Variants in KDM4B observed in about 807,000 individuals in gnomAD.
KDM4B encodes lysine demethylase 4B, also known as lysine-specific demethylase 4B.
KDM4B carries 32 observed loss-of-function variants against 125.2 expected under a neutral mutation model. The ratio of observed to expected loss-of-function variants is 0.26; its 90% CI spans 0.19 to 0.34. The LOEUF (loss-of-function observed/expected upper bound fraction) is 0.34. Ranked by LOEUF, KDM4B falls within the 10% of genes least tolerant of loss-of-function variation. KDM4B has a pLI of 1.00. For missense variants in KDM4B, 1,190 were observed against 1,577.7 expected (o/e 0.75, Z 4.16); for synonymous variants, 721 against 677.9 (o/e 1.06, Z -0.99).
intron 2 of KDM4B, among the ~76,000 whole-genome samples, chr19:5,021,759 G>C (rs1249788711): frequency 6.7e-6 from 1 of 150,002 alleles, no homozygotes; most frequent in Non-Finnish European, 1.5e-5. Context: ...TCAGCCTCCC[G>C]AGTAGCTGGG....
At chr19:5,125,852 G>T (rs1331614862) in intron 11 of KDM4B, among the ~76,000 whole-genome samples, 1 of 152,050 alleles carries the variant, frequency 6.6e-6, no homozygotes, top group Non-Finnish European at 1.5e-5. Context: ...TCTGGCAGGG[G>T]TGGGCGTTTT....
chr19:5,016,339 A>C lies in KDM4B; in HGVS notation c.-26A>C, dbSNP rs2035891407. The stretch of plus-strand genomic sequence containing the variant: ...CCACCCAGGAACCTCGCCATCCAGA[A>C]GTAAGTAACACGGGCCTGGCCCCCA... On this transcript the variant is annotated splice_region_variant and 5_prime_UTR_variant, in exon 2 of 23. Transcript: ENST00000159111. The C allele has an allele frequency of 1.3e-5, 2 of 152,244 alleles. No homozygotes were observed. The highest frequency in any genetic ancestry group is 4.8e-5 in the African/African-American group (2 of 41,462). The allele number at this position is 152,244 out of a possible 1,614,324, so 9.4% of individuals were successfully genotyped here.
At chr19:5,072,281 C>T (rs2037973497) in intron 7 of KDM4B, among the ~76,000 whole-genome samples, 3 of 152,306 alleles carry the variant, frequency 2.0e-5, no homozygotes, top group South Asian at 4.1e-4. Context: ...CCAGGAGTCA[C>T]GTGGCTGTGC....
intron 6 of KDM4B, among the ~76,000 whole-genome samples, chr19:5,052,978 T>A (rs1427725447): frequency 6.6e-6 from 1 of 152,210 alleles, no homozygotes; most frequent in Non-Finnish European, 1.5e-5. Flanking sequence ...CCCAGCCGCT[T>A]TGCTCTGGCT....
chr19:4,998,910 C>T (rs956062986), intron 1 of KDM4B, among the ~76,000 whole-genome samples: 4 of 152,166 alleles, frequency 2.6e-5, no homozygotes, highest in Non-Finnish European at 2.9e-5. Flanking sequence ...CTTCTTAGTG[C>T]GCCCTATCAG....
At chr19:5,049,419 A>G (rs2037147971) in intron 6 of KDM4B, among the ~76,000 whole-genome samples, 2 of 151,994 alleles carry the variant, frequency 1.3e-5, no homozygotes, top group African/African-American at 2.4e-5. Context: ...TGAGTAGGCA[A>G]CAGTTCTTTC....
At position 5,065,060 on chromosome 19, in the gene KDM4B, C is replaced by T. The variant is rs985206671; in HGVS notation, c.627-5950C>T. Among the ~76,000 whole-genome samples the T allele has an allele frequency of 2.0e-5, 3 of 152,314 alleles. No individual in the cohort carries two copies. The East Asian group carries it at 5.8e-4, about 29-fold the overall frequency. ...TGCTTTGGCCGTGGCAGGCGGGGTC[C>T]CTGGGGGTGCTGGGGCGTCAGCCAG... On this transcript the variant is annotated intron_variant, in intron 6 of 22. Coordinates refer to ENST00000159111, the MANE Select transcript of KDM4B (RefSeq NM_015015.3).
intron 6 of KDM4B, among the ~76,000 whole-genome samples, chr19:5,050,628 C>T (rs770119278): frequency 1.5e-4 from 23 of 152,216 alleles, no homozygotes; most frequent in Non-Finnish European, 2.6e-4. Flanking sequence ...GGGCCAGGCG[C>T]GGTGGTTTGC....
chr19:4,990,895 C>T (rs544578590), intron 1 of KDM4B, among the ~76,000 whole-genome samples: 4 of 151,908 alleles, frequency 2.6e-5, no homozygotes, highest in Admixed American at 1.3e-4. Flanking sequence ...CTGAGGTGGG[C>T]GGACCACCTG....
At chr19:5,077,799 G>A (rs2038166627) in intron 8 of KDM4B, 1 of 298,174 alleles carries the variant, frequency 3.4e-6, no homozygotes, top group Non-Finnish European at 6.3e-6. Context: ...GACCTGGCAG[G>A]AAGCTGCCAA....
At chr19:5,096,086 C>CTT (rs36115996) in intron 9 of KDM4B, among the ~76,000 whole-genome samples, 18 of 136,696 alleles carry the variant, frequency 1.3e-4, no homozygotes, top group Admixed American at 5.8e-4. Flanking sequence ...TGTGGGGAAT[C>CTT]TTTTTTTTTT....
At chr19:4,974,786 C>G (rs972019688) in intron 1 of KDM4B, among the ~76,000 whole-genome samples, 3 of 151,354 alleles carry the variant, frequency 2.0e-5, no homozygotes, top group African/African-American at 7.3e-5. Context: ...CCAAAACAAA[C>G]AAACAAACAA....
intron 9 of KDM4B, among the ~76,000 whole-genome samples, chr19:5,106,733 G>C (rs1330314535): frequency 1.3e-5 from 2 of 152,204 alleles, no homozygotes; most frequent in Non-Finnish European, 2.9e-5. Flanking sequence ...CCAAGAACTG[G>C]GTTCTGCTTG....
chr19:5,125,334 G>T (rs1356413199), intron 11 of KDM4B, among the ~76,000 whole-genome samples: 1 of 152,174 alleles, frequency 6.6e-6, no homozygotes. Context: ...GGTTCAGGGA[G>T]GTCCTGAACC....
At chr19:5,024,956 A>C (rs945507640) in intron 2 of KDM4B, among the ~76,000 whole-genome samples, 4 of 152,276 alleles carry the variant, frequency 2.6e-5, no homozygotes, top group African/African-American at 9.6e-5. Flanking sequence ...CTCAAAAAAC[A>C]AAAACAAAAA....
At chr19:5,109,281 C>T (rs2039093358) in intron 9 of KDM4B, among the ~76,000 whole-genome samples, 1 of 152,210 alleles carries the variant, frequency 6.6e-6, no homozygotes, top group Non-Finnish European at 1.5e-5. Flanking sequence ...TCCTGGCCGC[C>T]TCCTGGGATC....
rs1338631226 is a variant in KDM4B, at chr19:5,035,819, C to T, written c.141+2788C>T. Among the ~76,000 whole-genome samples, 4 of 151,540 alleles carry T rather than the reference C, an allele frequency of 2.6e-5. No homozygotes were observed. Among genetic ancestry groups the T allele is most frequent in the Non-Finnish European group, 4.4e-5 (3 of 67,938 alleles). On this transcript the variant is annotated intron_variant, in intron 3 of 22. Transcript: ENST00000159111. The surrounding 1 kb of genome is among the most constrained non-coding windows in gnomAD (Gnocchi z 5.3). ...TGGAGGGGGCTGGGCAGTAGGGGGC[C>T]GTCCGGGTCCCATGCTGTGGAGGGG...
At chr19:5,138,099 GC>G (rs747101935) in intron 18 of KDM4B, 29 bp downstream of exon 18, 16 of 1,561,174 alleles carry the variant, frequency 1.0e-5, no homozygotes, top group East Asian at 2.3e-5. Flanking sequence ...GGCCCACCCT[GC>G]CCGTGCCTCT....
intron 10 of KDM4B, chr19:5,112,790 C>G (rs1455379806): frequency 6.6e-6 from 1 of 152,546 alleles, no homozygotes; most frequent in Non-Finnish European, 1.5e-5. Context: ...CTCTTCTGCT[C>G]TTGTTCTGTC....
Sources: allele counts gnomAD v4.1 joint callset (sites outside exome capture counted in the v4.1 genomes callset), GRCh38; gene constraint gnomAD v4.1.1; non-coding constraint Gnocchi (gnomAD v3.1); transcripts MANE v1.5; gene names NCBI Gene and HGNC (gene_info 2026-07-23, HGNC 2026-07-21).